SENP7: variants seen among roughly 807,000 people sequenced by gnomAD.
SENP7 encodes SUMO specific peptidase 7.
A neutral mutation model predicts 141.2 loss-of-function variants in SENP7; 64 were observed. That is an observed-to-expected ratio of 0.45 (90% CI 0.37 to 0.56). The LOEUF is 0.56. SENP7 is among the 20% of genes least tolerant of loss of function. SENP7 has a pLI of 0.00. For missense variants in SENP7, 1,025 were observed against 1,212.2 expected (o/e 0.85, Z 2.29); for synonymous variants, 382 against 426.4 (o/e 0.90, Z 1.28).
At chr3:101,402,678 T>C (rs2061184352) in intron 5 of SENP7, among the ~76,000 whole-genome samples, 1 of 149,000 alleles carries the variant, frequency 6.7e-6, no homozygotes, top group Non-Finnish European at 1.5e-5. Flanking sequence ...GGAACTACAA[T>C]GTCTGGATGA....
At chr3:101,497,001 C>T (rs2065183954) in intron 2 of SENP7, among the ~76,000 whole-genome samples, 1 of 152,184 alleles carries the variant, frequency 6.6e-6, no homozygotes, top group African/African-American at 2.4e-5. Context: ...ATATAAACTA[C>T]TAACAATAAT....
intron 3 of SENP7, among the ~76,000 whole-genome samples, chr3:101,461,233 T>C (rs1424793230): frequency 6.6e-6 from 1 of 152,106 alleles, no homozygotes; most frequent in East Asian, 1.9e-4. Flanking sequence ...GAATCAATAT[T>C]GTTTATCTCC....
intron 5 of SENP7, among the ~76,000 whole-genome samples, chr3:101,412,308 T>C (rs889658481): frequency 6.6e-6 from 1 of 152,132 alleles, no homozygotes; most frequent in African/African-American, 2.4e-5. Context: ...TCCCAGATGA[T>C]ATAATTTAAA....
chr3:101,467,888 A>T (rs1476396933), intron 3 of SENP7, among the ~76,000 whole-genome samples: 1 of 152,220 alleles, frequency 6.6e-6, no homozygotes, highest in Non-Finnish European at 1.5e-5. Flanking sequence ...GCTTCAGAAG[A>T]TCAGTAATAA....
Position 101,333,085 on chromosome 3 carries a change from G to T in SENP7, c.2481-223C>A, listed in dbSNP as rs140652013. On this transcript the variant is annotated intron_variant, in intron 17 of 23. Coordinates refer to ENST00000394095, the MANE Select transcript of SENP7 (RefSeq NM_020654.5). ...TAATGAAATGGACAGAATAAAGGCA[G>T]CAATTTATTAAATGCTTTTCAGATT... 113 of 461,106 alleles carry T rather than the reference G, an allele frequency of 2.5e-4. No individual in the cohort carries two copies. In the East Asian group the frequency reaches 4.1e-3, roughly 17 times the overall value. 28.6% of individuals were successfully genotyped at this position (461,106 alleles called of 1,614,324 possible). A position where few individuals can be genotyped will look rare whatever the true frequency, so the allele number is the denominator to read the frequency against.
chr3:101,467,086 A>G (rs1242827059), intron 3 of SENP7, among the ~76,000 whole-genome samples: 2 of 152,186 alleles, frequency 1.3e-5, no homozygotes, highest in African/African-American at 4.8e-5. Flanking sequence ...CACTGCTAGC[A>G]CAGCACTCTG....
intron 3 of SENP7, among the ~76,000 whole-genome samples, chr3:101,482,328 A>AC (rs2064526704): frequency 6.6e-6 from 1 of 152,026 alleles, no homozygotes; most frequent in East Asian, 1.9e-4. Context: ...AAAAAAAAAA[A>AC]AGAAAGAAAT....
At chr3:101,477,531 T>C (rs994542290) in intron 3 of SENP7, among the ~76,000 whole-genome samples, 6 of 150,902 alleles carry the variant, frequency 4.0e-5, no homozygotes, top group Non-Finnish European at 7.4e-5. Context: ...CTGAAAAAAA[T>C]AGAAAAGTCA....
rs560761992 is a variant in SENP7, at chr3:101,411,604, G to A, written c.482+5989C>T. 3.9e-5 allele frequency among the ~76,000 whole-genome samples: 6 copies of A among 152,262 alleles called. No homozygotes were observed. The East Asian group carries it at 9.6e-4, about 24-fold the overall frequency. ...TACCTAGCTGTCTTTTGCAGTACAG[G>A]TTTATAAATTAGCACAGTCAAGGAC... On this transcript the variant is annotated intron_variant, in intron 5 of 23. Coordinates refer to ENST00000394095, the MANE Select transcript of SENP7 (RefSeq NM_020654.5).
intron 19 of SENP7, among the ~76,000 whole-genome samples, chr3:101,331,499 A>G (rs2059052231): frequency 6.6e-6 from 1 of 151,090 alleles, no homozygotes; most frequent in Non-Finnish European, 1.5e-5. Context: ...TGTTGTACAT[A>G]GTAAATACAT....
At chr3:101,461,997 G>C (rs561655544) in intron 3 of SENP7, among the ~76,000 whole-genome samples, 13 of 152,200 alleles carry the variant, frequency 8.5e-5, no homozygotes, top group Admixed American at 4.6e-4. Context: ...TAATTTCCAG[G>C]GGCTGGGAAG....
chr3:101,467,757 A>G (rs577818304), intron 3 of SENP7, among the ~76,000 whole-genome samples: 1 of 152,228 alleles, frequency 6.6e-6, no homozygotes, highest in Non-Finnish European at 1.5e-5. Flanking sequence ...GAGAAACTAG[A>G]GCAGAAAAGC....
chr3:101,480,680 A>G (rs2064432500), intron 3 of SENP7, among the ~76,000 whole-genome samples: 1 of 152,158 alleles, frequency 6.6e-6, no homozygotes, highest in Non-Finnish European at 1.5e-5. Context: ...GAAACAATCA[A>G]TAGAATGAAG....
chr3:101,395,961 T>C (rs900567208), intron 6 of SENP7, among the ~76,000 whole-genome samples: 2 of 152,236 alleles, frequency 1.3e-5, no homozygotes, highest in Admixed American at 6.5e-5. Context: ...ACATGGATCA[T>C]CTCCTTATAT....
chr3:101,471,138 T>G (rs374213521), intron 3 of SENP7, among the ~76,000 whole-genome samples: 1 of 152,118 alleles, frequency 6.6e-6, no homozygotes, highest in Non-Finnish European at 1.5e-5. Flanking sequence ...CTTCACAGAA[T>G]TGGAAAAAAC....
chr3:101,393,322 C>CA (rs1157000586), intron 6 of SENP7, among the ~76,000 whole-genome samples: 2 of 151,774 alleles, frequency 1.3e-5, no homozygotes, highest in African/African-American at 4.8e-5. Flanking sequence ...GTAACAAAAG[C>CA]AAAAAACAGA....
At chr3:101,414,763 G>A (rs1230776122) in intron 5 of SENP7, 4 of 588,186 alleles carry the variant, frequency 6.8e-6, no homozygotes, top group Admixed American at 3.0e-5. Context: ...TAATGCATAT[G>A]TCACTTGCCT....
At chr3:101,335,786 G>T (rs2059169057) in intron 17 of SENP7, among the ~76,000 whole-genome samples, 1 of 152,040 alleles carries the variant, frequency 6.6e-6, no homozygotes, top group East Asian at 1.9e-4. Context: ...GAACAGGAGG[G>T]CATCAGAAAT....
chr3:101,411,424 C>T (rs901837687), intron 5 of SENP7, among the ~76,000 whole-genome samples: 2 of 152,160 alleles, frequency 1.3e-5, no homozygotes, highest in Non-Finnish European at 2.9e-5. Flanking sequence ...GCAATGACTA[C>T]AGTACACATA....
Sources: gnomAD v4.1 joint callset for allele counts (sites outside exome capture counted in the v4.1 genomes callset) on GRCh38, gnomAD v4.1.1 for gene constraint, MANE v1.5 for transcripts, NCBI Gene and HGNC (gene_info 2026-07-23, HGNC 2026-07-21) for gene names.